The following TRAF2 variants were observed in gnomAD, a reference collection of about 807,000 sequenced individuals.
TRAF2 encodes TNF receptor-associated factor 2.
A neutral mutation model predicts 55.6 loss-of-function variants in TRAF2; 6 were observed. The observed-to-expected ratio is 0.11, with a 90% CI of 0.06 to 0.21. TRAF2 has a LOEUF of 0.21. Ranked by LOEUF, TRAF2 falls within the 10% of genes least tolerant of loss-of-function variation. The probability of loss-of-function intolerance (pLI) is 1.00; values close to 1 mark genes in which losing one functional copy is unlikely to be tolerated. For synonymous variants in TRAF2, 329 were observed against 276.3 expected (o/e 1.19, Z -1.89); for missense variants, 561 against 684.5 (o/e 0.82, Z 2.01).
intron 1 of TRAF2, among the ~76,000 whole-genome samples, chr9:136,888,558 G>C (rs1849506014): frequency 6.6e-6 from 1 of 152,228 alleles, no homozygotes; most frequent in East Asian, 1.9e-4. Flanking sequence ...CTTGGAGTCT[G>C]CTTGTGAGAA....
In TRAF2 at chr9:136,923,610, CAAAAAAAAA is replaced by C. The variant is rs55666712; in HGVS notation, c.1139-225_1139-217del. ...GGGCAACAAGAGTGAGACTCCATCT[CAAAAAAAAA>C]AAAAAAAAAAAAAAAACTTTTTCTA... On this transcript the variant is annotated intron_variant, in intron 9 of 10. Transcript: ENST00000247668. Among the ~76,000 whole-genome samples the C allele has an allele frequency of 7.3e-3, 493 of 67,804 alleles. 3 individuals are homozygous for C. The highest frequency in any genetic ancestry group is 0.029 in the African/African-American group (471 of 16,246). 44.5% of individuals were successfully genotyped at this position (67,804 alleles called of 152,430 possible).
chr9:136,891,860 T>TA (rs1388327860), intron 1 of TRAF2, among the ~76,000 whole-genome samples: 2 of 151,952 alleles, frequency 1.3e-5, no homozygotes, highest in African/African-American at 2.4e-5. Context: ...TAGCTGGAAT[T>TA]ACAGGCGTGA....
chr9:136,900,366 GGT>G (rs1849789312), intron 3 of TRAF2, 54 bp from the exon 4 acceptor site: 1 of 1,313,770 alleles, frequency 7.6e-7, no homozygotes, highest in Non-Finnish European at 1.1e-6. Context: ...TGTGTTCCTT[GGT>G]TGCTGCAGGG....
intron 6 of TRAF2, among the ~76,000 whole-genome samples, chr9:136,916,228 A>C (rs1287421372): frequency 6.6e-6 from 1 of 150,454 alleles, no homozygotes; most frequent in Non-Finnish European, 1.5e-5. Flanking sequence ...CTGAGGCCTC[A>C]GCACCGCATG....
chr9:136,889,587 A>G (rs1160712329), intron 1 of TRAF2: 1 of 152,214 alleles, frequency 6.6e-6, no homozygotes, highest in Non-Finnish European at 1.5e-5. Context: ...GCCCGGCCTT[A>G]AAACCTGTTT....
intron 1 of TRAF2, chr9:136,898,507 T>G: frequency 3.3e-6 from 3 of 897,172 alleles, no homozygotes; most frequent in Non-Finnish European, 4.0e-6. Flanking sequence ...TCACTGAGCC[T>G]GAGTTTCCAT....
intron 7 of TRAF2, among the ~76,000 whole-genome samples, chr9:136,917,899 C>G (rs1358364168): frequency 6.6e-6 from 1 of 152,026 alleles, no homozygotes; most frequent in South Asian, 2.1e-4. Flanking sequence ...TGCTTGCTGC[C>G]GCCACCGTGC....
At position 136,920,615 on chromosome 9, in the gene TRAF2, C is replaced by T. The variant is rs547308824; in HGVS notation, c.960+100C>T. On this transcript the variant is annotated intron_variant, in intron 8 of 10. Transcript: ENST00000247668. The stretch of plus-strand genomic sequence containing the variant: ...TAGCAGGTCCTGGAGCTTTAGAGCC[C>T]GGACAATGTAGAACTCCATCTGCAA... 1.0e-4 allele frequency: 142 copies of T among 1,410,346 alleles called. 1 individual carries two copies. The South Asian group carries it at 1.1e-3, about 11-fold the overall frequency. 87.4% of individuals were successfully genotyped at this position (1,410,346 alleles called of 1,614,324 possible).
chr9:136,924,257 C>CG (rs761349592), intron 10 of TRAF2, among the ~76,000 whole-genome samples: 3 of 152,114 alleles, frequency 2.0e-5, no homozygotes, highest in Non-Finnish European at 2.9e-5. Flanking sequence ...ATAAATATGA[C>CG]TAAGAAAAAG....
chr9:136,901,609 C>A (rs1849821932), intron 4 of TRAF2, among the ~76,000 whole-genome samples: 1 of 152,150 alleles, frequency 6.6e-6, no homozygotes, highest in Admixed American at 6.5e-5. Flanking sequence ...GGTCATTGTT[C>A]AGTGAGTACC....
chr9:136,908,605 G>A (rs1015467189), intron 5 of TRAF2, among the ~76,000 whole-genome samples: 2 of 152,068 alleles, frequency 1.3e-5, no homozygotes, highest in African/African-American at 2.4e-5. Context: ...GGCGGTTCAT[G>A]CCTGTAATCC....
chr9:136,922,807 C>T lies in TRAF2; in HGVS notation c.1139-1045C>T, dbSNP rs1264571973. Reference sequence around the variant, plus strand: ...GATGGGCCTGGGGGCATGTGGAGGACGAGGATGGGGAGGATGGGTCTGGGG... The same window carrying T: ...GATGGGCCTGGGGGCATGTGGAGGATGAGGATGGGGAGGATGGGTCTGGGG... On this transcript the variant is annotated intron_variant, in intron 9 of 10. Coordinates refer to ENST00000247668, the MANE Select transcript of TRAF2 (RefSeq NM_021138.4). Among the ~76,000 whole-genome samples, 15 of 51,380 alleles carry T rather than the reference C, an allele frequency of 2.9e-4. No individual in the cohort carries two copies. In the East Asian group the frequency reaches 5.3e-3, roughly 18 times the overall value. 33.7% of individuals were successfully genotyped at this position (51,380 alleles called of 152,430 possible). A position where few individuals can be genotyped will look rare whatever the true frequency, so the allele number is the denominator to read the frequency against.
chr9:136,883,247 C>T (rs1340445894), upstream of TRAF2, among the ~76,000 whole-genome samples: 1 of 152,148 alleles, frequency 6.6e-6, no homozygotes, highest in African/African-American at 2.4e-5. Context: ...TTCATGAGAG[C>T]AGCACTGGGG....
intron 4 of TRAF2, among the ~76,000 whole-genome samples, chr9:136,907,043 T>A (rs941197032): frequency 1.3e-5 from 2 of 152,242 alleles, no homozygotes; most frequent in African/African-American, 4.8e-5. Context: ...AAGCCCTGCC[T>A]GGGGCAGCAG....
chr9:136,924,396 C>CAA (rs17244257), intron 10 of TRAF2, among the ~76,000 whole-genome samples: 13 of 151,014 alleles, frequency 8.6e-5, no homozygotes, highest in East Asian at 3.9e-4. Context: ...CCCATGTCTA[C>CAA]AAAAAAAATA....
chr9:136,911,919 G>T (rs1206361601), intron 6 of TRAF2, among the ~76,000 whole-genome samples: 2 of 141,192 alleles, frequency 1.4e-5, no homozygotes, highest in Admixed American at 7.3e-5. Context: ...GCGAGATCTC[G>T]GTTCACTGCA....
rs561068212 is a variant in TRAF2 at position 136,909,522 on chromosome 9, C to T, written c.529-398C>T. ...AGCACATCTGGGGTGCCAAGCCCTC[C>T]GCAGCAGCATGTCAGGGTCTGTCTT... On this transcript the variant is annotated intron_variant, in intron 5 of 10. Transcript: ENST00000247668. Among the ~76,000 whole-genome samples, 85 of 152,272 alleles carry T rather than the reference C, an allele frequency of 5.6e-4. No homozygotes were observed. The South Asian group carries it at 0.011, about 20-fold the overall frequency.
intron 9 of TRAF2, among the ~76,000 whole-genome samples, 165 bp downstream of exon 9, chr9:136,921,380 G>A (rs1179351715): frequency 6.6e-6 from 1 of 152,162 alleles, no homozygotes; most frequent in Non-Finnish European, 1.5e-5. Context: ...TGGGGTAGCT[G>A]AATATGGGCT....
intron 1 of TRAF2, among the ~76,000 whole-genome samples, chr9:136,887,384 G>A (rs1284240185): frequency 1.3e-5 from 2 of 152,190 alleles, no homozygotes; most frequent in African/African-American, 4.8e-5. Flanking sequence ...CGGCCAGATG[G>A]GCAGCCTGGG....
Sources: allele counts gnomAD v4.1 joint callset (sites outside exome capture counted in the v4.1 genomes callset), GRCh38; gene constraint gnomAD v4.1.1; transcripts MANE v1.5; gene names NCBI Gene and HGNC (gene_info 2026-07-23, HGNC 2026-07-21).